NCALD: variants seen among roughly 807,000 people sequenced by gnomAD.
NCALD encodes the protein neurocalcin-delta.
In NCALD, 10 loss-of-function variants were observed where a neutral mutation model predicts 18.6. That is an observed-to-expected ratio of 0.54 (90% confidence interval 0.33 to 0.91). The LOEUF (loss-of-function observed/expected upper bound fraction) is 0.91. Ranked by LOEUF, NCALD falls within the 40% of genes least tolerant of loss-of-function variation. The pLI, the probability that NCALD is intolerant of heterozygous loss-of-function variation, is 0.03. For missense variants in NCALD, 184 were observed against 247.6 expected (o/e 0.74, Z 1.72); for synonymous variants, 88 against 87.4 (o/e 1.01, Z -0.04).
At chr8:101,932,310 C>T (rs1228716410) in intron 2 of NCALD, among the ~76,000 whole-genome samples, 2 of 152,140 alleles carry the variant, frequency 1.3e-5, no homozygotes, top group Non-Finnish European at 2.9e-5. Context: ...GATAAATACC[C>T]ACCTCCTAAC....
intron 4 of NCALD, among the ~76,000 whole-genome samples, chr8:101,801,080 AAG>A (rs1267599807): frequency 7.2e-5 from 11 of 152,068 alleles, no homozygotes; most frequent in South Asian, 6.2e-4. Context: ...AAGGGAAAGA[AAG>A]AGGAAGGAAG....
upstream of NCALD, among the ~76,000 whole-genome samples, chr8:101,794,434 AAAAAG>A (rs1236863831): frequency 1.3e-5 from 2 of 151,304 alleles, no homozygotes; most frequent in Non-Finnish European, 2.9e-5. Flanking sequence ...GAAAAGAAGA[AAAAAG>A]AAAGAACAAA....
intron 1 of NCALD, among the ~76,000 whole-genome samples, chr8:102,121,896 A>G (rs569689689): frequency 6.6e-5 from 10 of 152,280 alleles, no homozygotes; most frequent in African/African-American, 1.9e-4. Flanking sequence ...CTCTCTGTCT[A>G]TTATTCTCTG....
intron 2 of NCALD, among the ~76,000 whole-genome samples, chr8:101,701,580 C>G (rs912958674): frequency 1.3e-5 from 2 of 152,150 alleles, no homozygotes; most frequent in Admixed American, 1.3e-4. Context: ...AAGGAACAAC[C>G]TCTTGGGATG....
intron 1 of NCALD, among the ~76,000 whole-genome samples, chr8:102,033,756 T>C (rs1822764184): frequency 6.6e-6 from 1 of 152,104 alleles, no homozygotes; most frequent in Admixed American, 6.6e-5. Context: ...GGGTGCCTTA[T>C]TACTTCCATA....
At chr8:101,773,079 A>G (rs1046635606) in intron 1 of NCALD, among the ~76,000 whole-genome samples, 8 of 152,202 alleles carry the variant, frequency 5.3e-5, no homozygotes, top group African/African-American at 1.9e-4. Context: ...AGCTTCAGTC[A>G]CAAAGCTTTA....
chr8:101,897,401 G>A (rs1817235119), intron 3 of NCALD, among the ~76,000 whole-genome samples: 1 of 145,832 alleles, frequency 6.9e-6, no homozygotes, highest in Admixed American at 6.8e-5. Context: ...AGCATTGGGA[G>A]ATATACCTAA....
chr8:102,047,657 G>A (rs951460347), intron 1 of NCALD, among the ~76,000 whole-genome samples: 3 of 152,226 alleles, frequency 2.0e-5, no homozygotes, highest in Admixed American at 2.0e-4. Context: ...TACAATAAAA[G>A]GTACCGTTTA....
chr8:102,029,102 G>C (rs1822569146), intron 1 of NCALD: 1 of 152,216 alleles, frequency 6.6e-6, no homozygotes, highest in Non-Finnish European at 1.5e-5. Flanking sequence ...GATCTCTGCA[G>C]ATAGAGATAG....
chr8:102,004,041 G>A (rs1033511004), intron 2 of NCALD, among the ~76,000 whole-genome samples: 6 of 151,078 alleles, frequency 4.0e-5, no homozygotes, highest in Admixed American at 4.0e-4. Context: ...CAATTAGGCA[G>A]GAGAAGGAAA....
chr8:101,982,903 A>C (rs952233667), intron 2 of NCALD, among the ~76,000 whole-genome samples: 1 of 152,160 alleles, frequency 6.6e-6, no homozygotes, highest in Non-Finnish European at 1.5e-5. Flanking sequence ...ACCTTGAATA[A>C]ATTAGCATAC....
intron 1 of NCALD, among the ~76,000 whole-genome samples, chr8:102,053,879 T>C (rs6987069): frequency 0.39 from 58,972 of 152,122 alleles, 11,786 homozygotes; most frequent in African/African-American, 0.44. Flanking sequence ...TATTCACATA[T>C]AAATCGAATG....
chr8:101,968,081 T>C (rs749840356), intron 2 of NCALD, among the ~76,000 whole-genome samples: 1 of 152,140 alleles, frequency 6.6e-6, no homozygotes, highest in Non-Finnish European at 1.5e-5. Context: ...ACTTTCAGCT[T>C]TGTATAATAA....
chr8:101,961,372 C>A (rs188314852), intron 2 of NCALD, among the ~76,000 whole-genome samples: 1 of 152,152 alleles, frequency 6.6e-6, no homozygotes, highest in Non-Finnish European at 1.5e-5. Context: ...GCTTTAGTTT[C>A]CTCATCTATA....
At chr8:102,118,135 T>C (rs930786120) in intron 1 of NCALD, among the ~76,000 whole-genome samples, 2 of 152,300 alleles carry the variant, frequency 1.3e-5, no homozygotes, top group Non-Finnish European at 2.9e-5. Context: ...GTTTGGCCAA[T>C]TGGGAGGCAC....
chr8:101,788,818 TG>T (rs1247722981), intron 1 of NCALD: 1 of 152,216 alleles, frequency 6.6e-6, no homozygotes, highest in Non-Finnish European at 1.5e-5. Context: ...GCAACAAACA[TG>T]ACCTTGAAAT....
At position 102,025,556 on chromosome 8, in the gene NCALD, T is replaced by A. The variant is rs528265395; in HGVS notation, c.-209-5267A>T. ...ACTCCTTCTGTACATAATATTCTGT[T>A]CTCCCCAGCCATGCAGGTAGAAAAG... On this transcript the variant is annotated intron_variant, in intron 1 of 6. Transcript: ENST00000311028. Among the ~76,000 whole-genome samples the A allele has an allele frequency of 4.2e-4, 64 of 152,230 alleles. 1 individual carries two copies. The highest frequency in any genetic ancestry group is 7.1e-4 in the Non-Finnish European group (48 of 68,002).
chr8:101,834,552 C>T (rs147244333), intron 4 of NCALD, among the ~76,000 whole-genome samples: 271 of 152,302 alleles, frequency 1.8e-3, no homozygotes, highest in Non-Finnish European at 2.8e-3. Flanking sequence ...CTGAGCTGCT[C>T]GGGACCTGAT....
At chr8:102,105,970 A>G (rs1301764619) in intron 1 of NCALD, among the ~76,000 whole-genome samples, 1 of 152,170 alleles carries the variant, frequency 6.6e-6, no homozygotes, top group Non-Finnish European at 1.5e-5. Context: ...TGAGGTCTGA[A>G]TCAATGAGAG....
Sources: gnomAD v4.1 joint callset for allele counts (sites outside exome capture counted in the v4.1 genomes callset) on GRCh38, gnomAD v4.1.1 for gene constraint, MANE v1.5 for transcripts, NCBI Gene and HGNC (gene_info 2026-07-23, HGNC 2026-07-21) for gene names.